Variants in ADGRB3 observed in about 807,000 individuals in gnomAD.
ADGRB3 encodes adhesion G protein-coupled receptor B3.
Under a neutral mutation model 193.4 loss-of-function variants are expected in ADGRB3, and 37 were observed. That is an observed-to-expected ratio of 0.19 (90% CI 0.15 to 0.25). The LOEUF (loss-of-function observed/expected upper bound fraction) is 0.25. Ranked by LOEUF, ADGRB3 falls within the 10% of genes least tolerant of loss-of-function variation. The pLI is 1.00. For synonymous variants in ADGRB3, 690 were observed against 644.2 expected, an observed-to-expected ratio of 1.07 and a Z score of -1.08; for missense variants, 1,637 against 1,852.9, an observed-to-expected ratio of 0.88 and a Z score of 2.14.
chr6:69,065,936 T>C (rs1213811931), intron 16 of ADGRB3, among the ~76,000 whole-genome samples: 4 of 151,992 alleles, frequency 2.6e-5, no homozygotes, highest in Non-Finnish European at 5.9e-5. Flanking sequence ...GTATAAAAAC[T>C]ATTTACATAG....
At chr6:68,661,311 G>A (rs1768625685) in intron 3 of ADGRB3, among the ~76,000 whole-genome samples, 10 of 117,152 alleles carry the variant, frequency 8.5e-5, no homozygotes, top group African/African-American at 3.8e-4. Flanking sequence ...ATATATGTGT[G>A]TGTGTGTGTG....
rs146074995 is a variant in ADGRB3 at position 68,806,157 on chromosome 6, G to A, written c.758-124402G>A. The stretch of plus-strand genomic sequence containing the variant: ...GCAAGAAGGTAAATGGTTTGATTAA[G>A]ATGGTTTGATAATATTTTTAAAATA... On this transcript the variant is annotated intron_variant, in intron 3 of 31. Transcript: ENST00000370598. Among the ~76,000 whole-genome samples the A allele has an allele frequency of 9.3e-4, 141 of 152,290 alleles. 1 individual carries two copies. In the Middle Eastern group the frequency reaches 0.01, roughly 11 times the overall value.
At chr6:68,883,281 G>A (rs752533741) in intron 3 of ADGRB3, among the ~76,000 whole-genome samples, 27 of 152,106 alleles carry the variant, frequency 1.8e-4, no homozygotes, top group South Asian at 6.2e-4. Context: ...ACCAATCAGC[G>A]CTCTGTAAAA....
chr6:69,024,409 A>C (rs894778382), intron 13 of ADGRB3, among the ~76,000 whole-genome samples: 4 of 152,178 alleles, frequency 2.6e-5, no homozygotes, highest in Admixed American at 6.5e-5. Flanking sequence ...CTAAATGTTC[A>C]AGCTCTTTAT....
chr6:68,655,895 C>G (rs1467363759), intron 3 of ADGRB3, among the ~76,000 whole-genome samples: 1 of 151,442 alleles, frequency 6.6e-6, no homozygotes, highest in Non-Finnish European at 1.5e-5. Flanking sequence ...TATGGATGTT[C>G]CTTTGGACTA....
chr6:69,163,748 A>G (rs902515108), intron 17 of ADGRB3, among the ~76,000 whole-genome samples: 1 of 152,126 alleles, frequency 6.6e-6, no homozygotes, highest in Non-Finnish European at 1.5e-5. Flanking sequence ...AACTACATTA[A>G]AAGTAATTAA....
chr6:69,303,622 C>A (rs999072414), intron 20 of ADGRB3, among the ~76,000 whole-genome samples: 1 of 151,876 alleles, frequency 6.6e-6, no homozygotes, highest in African/African-American at 2.4e-5. Context: ...CTATTAAGTT[C>A]TTTGCACATC....
chr6:69,273,503 A>G (rs1342360373), intron 20 of ADGRB3, among the ~76,000 whole-genome samples: 1 of 152,184 alleles, frequency 6.6e-6, no homozygotes, highest in Non-Finnish European at 1.5e-5. Flanking sequence ...CAATAATTTT[A>G]AAACTCATGT....
intron 3 of ADGRB3, among the ~76,000 whole-genome samples, chr6:68,799,065 AACATAAAT>A (rs1767265117): frequency 6.6e-6 from 1 of 152,172 alleles, no homozygotes; most frequent in South Asian, 2.1e-4. Context: ...TATAATAGAA[AACATAAAT>A]ACCTTTTCGT....
intron 17 of ADGRB3, among the ~76,000 whole-genome samples, chr6:69,175,792 T>C (rs1387440393): frequency 6.6e-6 from 1 of 152,236 alleles, no homozygotes; most frequent in African/African-American, 2.4e-5. Flanking sequence ...TTCCATTTGT[T>C]TGTGTCAGCT....
At chr6:69,194,619 G>C (rs1293869008) in intron 17 of ADGRB3, among the ~76,000 whole-genome samples, 1 of 152,088 alleles carries the variant, frequency 6.6e-6, no homozygotes, top group African/African-American at 2.4e-5. Context: ...TCATGTGATG[G>C]TTATCAAATC....
At chr6:69,261,776 A>G (rs34899030) in intron 20 of ADGRB3, among the ~76,000 whole-genome samples, 247 of 152,178 alleles carry the variant, frequency 1.6e-3, no homozygotes, top group Non-Finnish European at 2.6e-3. Context: ...GCATTTTTAC[A>G]TTTCTGAGCA....
intron 3 of ADGRB3, among the ~76,000 whole-genome samples, chr6:68,746,533 G>T (rs1473061395): frequency 6.6e-6 from 1 of 151,896 alleles, no homozygotes; most frequent in African/African-American, 2.4e-5. Context: ...TATCTTAATA[G>T]AATTCATCCC....
rs546493022 is a variant in ADGRB3, at chr6:68,863,224, G to C, written c.758-67335G>C. Among the ~76,000 whole-genome samples, 20 of 151,982 alleles carry C rather than the reference G, an allele frequency of 1.3e-4. No individual in the cohort carries two copies. In the East Asian group the frequency reaches 3.9e-3, roughly 29 times the overall value. On this transcript the variant is annotated intron_variant, in intron 3 of 31. Coordinates refer to ENST00000370598, the MANE Select transcript of ADGRB3 (RefSeq NM_001704.3). ...TAGCACTCTATTTGCCATCTATTTG[G>C]ATTTTCAGAGATACTTTATGTTATT... is the stretch of plus-strand genomic sequence containing the variant.
intron 20 of ADGRB3, among the ~76,000 whole-genome samples, chr6:69,308,050 G>A (rs1400456837): frequency 6.6e-6 from 1 of 151,484 alleles, no homozygotes; most frequent in East Asian, 1.9e-4. Context: ...AGTTTTAGAT[G>A]TCTAAGATCT....
chr6:69,220,100 G>A (rs1224557787), intron 17 of ADGRB3, among the ~76,000 whole-genome samples: 3 of 151,600 alleles, frequency 2.0e-5, no homozygotes, highest in South Asian at 4.2e-4. Context: ...GGTTTTTAAT[G>A]TTTTTGGGAG....
intron 31 of ADGRB3, among the ~76,000 whole-genome samples, chr6:69,388,473 C>T (rs1770120307): frequency 6.6e-6 from 1 of 152,106 alleles, no homozygotes; most frequent in South Asian, 2.1e-4. Context: ...CTGTTCACTT[C>T]CTTTGATTCC....
intron 5 of ADGRB3, 57 bp from the exon 6 acceptor site, chr6:68,943,773 T>A: frequency 7.1e-7 from 1 of 1,418,110 alleles, no homozygotes; most frequent in Non-Finnish European, 9.5e-7. Context: ...ATAAAGAAAA[T>A]GATCTTTGAT....
chr6:68,752,972 C>T (rs1251963422), intron 3 of ADGRB3, among the ~76,000 whole-genome samples: 1 of 152,118 alleles, frequency 6.6e-6, no homozygotes, highest in Non-Finnish European at 1.5e-5. Flanking sequence ...GGAGTTTGTT[C>T]TGTTTTAACT....
Sources: allele counts gnomAD v4.1 joint callset (sites outside exome capture counted in the v4.1 genomes callset), GRCh38; gene constraint gnomAD v4.1.1; transcripts MANE v1.5; gene names NCBI Gene and HGNC (gene_info 2026-07-23, HGNC 2026-07-21).